HMGCLL1: variants seen among roughly 807,000 people sequenced by gnomAD.
The protein encoded by HMGCLL1 is 3-hydroxy-3-methylglutaryl-CoA lyase like 1, also known as 3-hydroxymethyl-3-methylglutaryl-CoA lyase, cytoplasmic.
Under a neutral mutation model 39.1 loss-of-function variants are expected in HMGCLL1, and 36 were observed. The ratio of observed to expected loss-of-function variants is 0.92; its 90% CI spans 0.71 to 1.22. HMGCLL1 has a LOEUF of 1.22. Ranked by LOEUF, HMGCLL1 falls within the 50% of genes most tolerant of loss-of-function variation. HMGCLL1 has a pLI of 0.00. For synonymous variants in HMGCLL1, 149 were observed against 144.0 expected (o/e 1.03, Z -0.25); for missense variants, 451 against 416.5 (o/e 1.08, Z -0.72).
At chr6:55,551,806 T>A (rs1287312352) in intron 1 of HMGCLL1, among the ~76,000 whole-genome samples, 1 of 152,074 alleles carries the variant, frequency 6.6e-6, no homozygotes, top group South Asian at 2.1e-4. Context: ...CTTATTTAAA[T>A]GGTATGCAGC....
chr6:55,677,235 A>G, the HMGCLL1 span, among the ~76,000 whole-genome samples: 1 of 152,144 alleles, frequency 6.6e-6, no homozygotes, highest in Non-Finnish European at 1.5e-5. Context: ...CGACTCTACA[A>G]AACAATTAGC....
At chr6:55,667,519 G>A in the HMGCLL1 span, among the ~76,000 whole-genome samples, 2 of 151,670 alleles carry the variant, frequency 1.3e-5, no homozygotes, top group African/African-American at 2.4e-5. Flanking sequence ...ACAAGAAACG[G>A]TACAAAGGAG....
At chr6:55,650,084 CATATACAT>C in the HMGCLL1 span, among the ~76,000 whole-genome samples, 2 of 48,070 alleles carry the variant, frequency 4.2e-5, no homozygotes, top group Non-Finnish European at 7.9e-5. Flanking sequence ...TATACACACA[CATATACAT>C]ATATATATAT....
intron 7 of HMGCLL1, among the ~76,000 whole-genome samples, chr6:55,471,172 G>A (rs997497791): frequency 2.0e-5 from 3 of 151,702 alleles, no homozygotes; most frequent in African/African-American, 7.3e-5. Context: ...TACATAACTA[G>A]AATATTACTT....
At chr6:55,652,767 C>CA in the HMGCLL1 span, among the ~76,000 whole-genome samples, 1 of 152,006 alleles carries the variant, frequency 6.6e-6, no homozygotes, top group African/African-American at 2.4e-5. Context: ...CTTGGGAAAA[C>CA]AAGGGCTGCC....
chr6:55,468,546 C>T (rs1764889010), intron 7 of HMGCLL1, among the ~76,000 whole-genome samples: 1 of 151,874 alleles, frequency 6.6e-6, no homozygotes, highest in Non-Finnish European at 1.5e-5. Context: ...ATTAGATTGA[C>T]TGTTAGCTGA....
At chr6:55,491,417 TA>T (rs994577424) in intron 7 of HMGCLL1, among the ~76,000 whole-genome samples, 4 of 152,270 alleles carry the variant, frequency 2.6e-5, no homozygotes, top group South Asian at 4.1e-4. Flanking sequence ...TTGGTCTTTC[TA>T]AAAGAGAATA....
chr6:55,449,439 A>G (rs1395022793), intron 7 of HMGCLL1, among the ~76,000 whole-genome samples: 1 of 152,220 alleles, frequency 6.6e-6, no homozygotes, highest in Non-Finnish European at 1.5e-5. Context: ...CTTGGAGGAG[A>G]CAACACACTC....
At chr6:55,447,870 C>A (rs892784941) in intron 7 of HMGCLL1, among the ~76,000 whole-genome samples, 2 of 152,088 alleles carry the variant, frequency 1.3e-5, no homozygotes, top group African/African-American at 4.8e-5. Context: ...TGTGCTACTG[C>A]ACAATATTAA....
At chr6:55,670,553 C>G in the HMGCLL1 span, among the ~76,000 whole-genome samples, 51,462 of 151,456 alleles carry the variant, frequency 0.34, 9,045 homozygotes, top group African/African-American at 0.42. Context: ...GAATAAGATA[C>G]CTACATCATA....
the HMGCLL1 span, among the ~76,000 whole-genome samples, chr6:55,594,751 A>G: frequency 6.6e-6 from 1 of 152,148 alleles, no homozygotes; most frequent in Admixed American, 6.5e-5. Flanking sequence ...CCCTTGGTTT[A>G]ACAGCAAGTT....
intron 7 of HMGCLL1, among the ~76,000 whole-genome samples, chr6:55,462,514 T>G (rs1309817493): frequency 6.6e-6 from 1 of 152,186 alleles, no homozygotes; most frequent in Non-Finnish European, 1.5e-5. Flanking sequence ...AAATTTAAAT[T>G]TTCTAGAGAC....
chr6:55,610,336 A>G, the HMGCLL1 span, among the ~76,000 whole-genome samples: 1 of 152,110 alleles, frequency 6.6e-6, no homozygotes, highest in Non-Finnish European at 1.5e-5. Context: ...AGAGAGGAAC[A>G]TAAATGACCT....
chr6:55,577,176 A>G (rs1448876003), intron 1 of HMGCLL1: 30 of 1,568,144 alleles, frequency 1.9e-5, no homozygotes, highest in Non-Finnish European at 2.5e-5. Context: ...GTCTAGGAAG[A>G]TAAAGTTCAA....
chr6:55,480,302 A>T (rs986438030), intron 7 of HMGCLL1, among the ~76,000 whole-genome samples: 2 of 151,634 alleles, frequency 1.3e-5, no homozygotes, highest in African/African-American at 4.9e-5. Flanking sequence ...TCCGACCAAA[A>T]ATGGAAAAAA....
chr6:55,484,249 G>T lies in HMGCLL1; in HGVS notation c.795+11170C>A, dbSNP rs114334156. Among the ~76,000 whole-genome samples the T allele has an allele frequency of 3.8e-3, 580 of 151,924 alleles. 8 individuals carry two copies. The highest frequency in any genetic ancestry group is 0.014 in the African/African-American group (561 of 41,438). ...TAGCATTTAACACCTCTTTCTTCTT[G>T]AAACCCTTTTTTGAGACTCTAGGGC... On this transcript the variant is annotated intron_variant, in intron 7 of 8. Transcript: ENST00000274901.
intron 1 of HMGCLL1, chr6:55,563,887 G>A (rs1199796106): frequency 7.8e-7 from 1 of 1,288,026 alleles, no homozygotes; most frequent in Non-Finnish European, 1.0e-6. Context: ...GGTCCATGGT[G>A]CAGCATCAGC....
chr6:55,613,720 C>A, the HMGCLL1 span, among the ~76,000 whole-genome samples: 10 of 151,980 alleles, frequency 6.6e-5, no homozygotes, highest in South Asian at 2.1e-4. Context: ...AAGTGGGAAC[C>A]AAACAATGAC....
At chr6:55,436,177 A>T (rs1763366209) in intron 8 of HMGCLL1, among the ~76,000 whole-genome samples, 1 of 152,044 alleles carries the variant, frequency 6.6e-6, no homozygotes, top group Non-Finnish European at 1.5e-5. Flanking sequence ...TTTACTATAT[A>T]AAGAAACAAA....
Sources: gnomAD v4.1 joint callset for allele counts (sites outside exome capture counted in the v4.1 genomes callset) on GRCh38, gnomAD v4.1.1 for gene constraint, MANE v1.5 for transcripts, NCBI Gene and HGNC (gene_info 2026-07-23, HGNC 2026-07-21) for gene names.